TUT1: variants seen among roughly 807,000 people sequenced by gnomAD.
TUT1 encodes speckle targeted PIP5K1A-regulated poly(A) polymerase.
TUT1 carries 26 observed loss-of-function variants against 48.8 expected under a neutral mutation model. That is an observed-to-expected ratio of 0.53 (90% confidence interval 0.39 to 0.74). The LOEUF is 0.74. Among genes scored for constraint, TUT1 ranks in the 30% least tolerant of loss-of-function variants. TUT1 has a pLI of 0.00. For synonymous variants in TUT1, 470 were observed against 460.8 expected (o/e 1.02, Z -0.26); for missense variants, 1,065 against 1,114.8 (o/e 0.96, Z 0.64).
At chr11:62,578,028 T>C (rs1351383150) in intron 5 of TUT1, among the ~76,000 whole-genome samples, 2 of 132,818 alleles carry the variant, frequency 1.5e-5, no homozygotes, top group Non-Finnish European at 3.1e-5. Context: ...ACCATTGCAC[T>C]CCAGCCTGGG....
At chr11:62,577,804 G>A (rs528670748) in intron 5 of TUT1, among the ~76,000 whole-genome samples, 6 of 152,292 alleles carry the variant, frequency 3.9e-5, no homozygotes, top group African/African-American at 1.2e-4. Flanking sequence ...CCTCACGCCT[G>A]TAATCCCAGC....
intron 2 of TUT1, among the ~76,000 whole-genome samples, chr11:62,587,328 T>C (rs1325690148): frequency 6.6e-6 from 1 of 152,032 alleles, no homozygotes; most frequent in East Asian, 1.9e-4. Flanking sequence ...ATTACAGGCA[T>C]GTGCCACCAC....
In TUT1 at chr11:62,575,059, AC is replaced by A. The variant is rs944476638; in HGVS notation, c.*34del. The A allele has an allele frequency of 1.3e-6, 2 of 1,546,076 alleles. No individual in the cohort carries two copies. The highest frequency in any genetic ancestry group is 2.8e-5 in the African/African-American group (2 of 72,592). On this transcript the variant is annotated 3_prime_UTR_variant, in exon 9 of 9. Coordinates refer to ENST00000476907, the MANE Select transcript of TUT1 (RefSeq NM_022830.3). The stretch of plus-strand genomic sequence containing the variant: ...AGGAAACGGGAGACTGTATTAATAA[AC>A]TAGCAGCTTTATTGCCCTTCAGGGG...
At chr11:62,590,638 A>G (rs77816244) in intron 1 of TUT1, among the ~76,000 whole-genome samples, 1 of 144,616 alleles carries the variant, frequency 6.9e-6, no homozygotes, top group Non-Finnish European at 1.5e-5. Flanking sequence ...CTCTGTCTCA[A>G]AAAAAAAAAA....
intron 2 of TUT1, chr11:62,582,617 C>T: frequency 2.2e-6 from 1 of 454,904 alleles, no homozygotes; most frequent in Non-Finnish European, 4.4e-6. Context: ...AGTAGAAAAA[C>T]AATTCTTTCC....
chr11:62,577,546 C>T lies in TUT1; in HGVS notation c.1161-255G>A, dbSNP rs369967426. Among the ~76,000 whole-genome samples, 15 of 149,946 alleles carry T rather than the reference C, an allele frequency of 1.0e-4. No individual in the cohort carries two copies. In the South Asian group the frequency reaches 3.2e-3, roughly 32 times the overall value. On this transcript the variant is annotated intron_variant, in intron 5 of 8. Transcript: ENST00000476907. The stretch of plus-strand genomic sequence containing the variant: ...CTGTTCATGAGCCATGGTCACACCA[C>T]TGCACTCCAGCCTGGGTGACAGAGC...
intron 4 of TUT1, among the ~76,000 whole-genome samples, chr11:62,580,472 T>C (rs1263231353): frequency 2.0e-5 from 3 of 150,252 alleles, no homozygotes. Flanking sequence ...AAAAAAAAAA[T>C]ACACATAAGC....
intron 5 of TUT1, among the ~76,000 whole-genome samples, chr11:62,578,121 GA>G (rs1941760351): frequency 6.7e-6 from 1 of 149,634 alleles, no homozygotes; most frequent in East Asian, 2.0e-4. Context: ...TACAAACACT[GA>G]AATGGAAGCC....
At chr11:62,578,521 G>A in intron 5 of TUT1, 40 bp downstream of exon 5, 1 of 1,536,126 alleles carries the variant, frequency 6.5e-7, no homozygotes, top group Non-Finnish European at 8.8e-7. Context: ...CTCCAGCCTG[G>A]GCAACGAGTG....
At position 62,576,102 on chromosome 11, in the gene TUT1, CA is replaced by C; in HGVS notation, c.1616del (p.Leu539ArgfsTer9). On this transcript the variant is annotated frameshift_variant, in exon 9 of 9. Transcript: ENST00000476907. LOFTEE classifies it low-confidence loss of function (END_TRUNC). ...NLWEGLRLGP[L>X]NLQDPFDLSH... ...TCAGGTCAAAAGGGTCCTGGAGATTCAGGGGGCCAAGGCGCAGACCCTCCCA... is the reference window on the plus strand; with the variant it reads ...TCAGGTCAAAAGGGTCCTGGAGATTCGGGGGCCAAGGCGCAGACCCTCCCA... 1 of 1,614,028 alleles carries C rather than the reference CA, an allele frequency of 6.2e-7. No homozygotes were observed. The highest frequency in any genetic ancestry group is 8.5e-7 in the Non-Finnish European group (1 of 1,180,032).
chr11:62,576,542 A>AG (rs1941731281), intron 8 of TUT1, 115 bp downstream of exon 8: 2 of 932,108 alleles, frequency 2.1e-6, no homozygotes, highest in South Asian at 3.1e-5. Context: ...TAATAATATT[A>AG]GGTATCTCAC....
chr11:62,578,258 G>GC (rs1941761892), intron 5 of TUT1, among the ~76,000 whole-genome samples: 1 of 151,720 alleles, frequency 6.6e-6, no homozygotes, highest in Non-Finnish European at 1.5e-5. Context: ...CAGCTGGCCT[G>GC]CCCCAAAGAA....
rs1941745016 is a variant in TUT1, at chr11:62,577,266, G to A, written c.1186C>T (p.Leu396=). ...NRLALHNSRF[L]SLCSELDGRV... is the part of the protein sequence containing the mutation. ...CCATCCAGCTCAGAGCAGAGACTCA[G>A]GAAACGGGAGTTATGCAGGGCCAGC... The change falls in exon 6 of 9, where the codon CTG becomes TTG. Residue 396 remains leucine (L), a synonymous_variant. Transcript: ENST00000476907. The A allele has an allele frequency of 6.2e-7, 1 of 1,612,940 alleles. No individual in the cohort carries two copies. Among genetic ancestry groups the A allele is most frequent in the Non-Finnish European group, 8.5e-7 (1 of 1,179,708 alleles).
chr11:62,588,362 T>C (rs755657640), intron 2 of TUT1, among the ~76,000 whole-genome samples: 4 of 152,184 alleles, frequency 2.6e-5, no homozygotes, highest in Non-Finnish European at 4.4e-5. Context: ...GAGACCAGCC[T>C]GGCCAACATG....
rs971384765 is a variant in TUT1, at chr11:62,581,674, C to T, written c.301G>A (p.Asp101Asn). The T allele has an allele frequency of 1.9e-5, 28 of 1,480,938 alleles. No individual in the cohort carries two copies. The highest frequency in any genetic ancestry group is 2.5e-5 in the Non-Finnish European group (28 of 1,114,654). 91.7% of individuals were successfully genotyped at this position (1,480,938 alleles called of 1,614,324 possible). A position where few individuals can be genotyped will look rare whatever the true frequency, so the allele number is the denominator to read the frequency against. The change falls in exon 3 of 9, where the codon GAC (aspartate) becomes AAC (asparagine). Residue 101 changes from aspartate to asparagine, a missense_variant. Physicochemically the swap from Asp to Asn is conservative, Grantham distance 23. Transcript: ENST00000476907. ...AAGACAGCCTCTCGAGCACCCACGT[C>T]CCCCATCTCCACAATGGCAAACACT... ...KGVFAIVEMG[D>N]VGAREAVLSQ...
rs904360960 is a variant in TUT1 at position 62,575,936 on chromosome 11, G to A, written c.1783C>T (p.Leu595=). ...AGGGAGCTGGGGGAGCTGGGCTGCA[G>A]AAGAGGGAGCAGCCCCCAGTCCCGA... ...RGRDWGLLPL[L]QPSSPSSLLS... Residue 595 remains leucine (L), a synonymous_variant, in exon 9 of 9, where the codon CTG becomes TTG. Coordinates refer to ENST00000476907, the MANE Select transcript of TUT1 (RefSeq NM_022830.3). The A allele has an allele frequency of 3.1e-6, 5 of 1,614,040 alleles. No individual in the cohort carries two copies. The highest frequency in any genetic ancestry group is 3.3e-5 in the Admixed American group (2 of 60,012).
intron 1 of TUT1, 28 bp downstream of exon 1, chr11:62,591,376 C>G: frequency 6.5e-7 from 1 of 1,533,160 alleles, no homozygotes; most frequent in Non-Finnish European, 8.8e-7. Flanking sequence ...CGCAACCACC[C>G]CCGGGTCCCT....
At chr11:62,591,198 T>C (rs1007795169) in intron 1 of TUT1, 3 of 565,700 alleles carry the variant, frequency 5.3e-6, no homozygotes, top group South Asian at 1.5e-4. Context: ...ACTTGCGTTG[T>C]GGAGATTTCA....
chr11:62,589,424 T>A (rs1342485889), intron 1 of TUT1, among the ~76,000 whole-genome samples: 1 of 152,132 alleles, frequency 6.6e-6, no homozygotes, highest in East Asian at 1.9e-4. Context: ...TTATTTTTTT[T>A]AAACAGAGTC....
Sources: gnomAD v4.1 joint callset for allele counts (sites outside exome capture counted in the v4.1 genomes callset) on GRCh38, gnomAD v4.1.1 for gene constraint, MANE v1.5 for transcripts, NCBI Gene and HGNC (gene_info 2026-07-23, HGNC 2026-07-21) for gene names.